The following UGT1A8 variants were observed in gnomAD, a reference collection of about 807,000 sequenced individuals.
UGT1A8 encodes the protein UDP-glucuronosyltransferase 1A8.
In UGT1A8, 39 loss-of-function variants were observed where a neutral mutation model predicts 45.3. The observed-to-expected ratio is 0.86, with a 90% CI of 0.67 to 1.12. The LOEUF (loss-of-function observed/expected upper bound fraction) is 1.12. Ranked by LOEUF, UGT1A8 falls within the 50% of genes most tolerant of loss-of-function variation. The pLI is 0.00. For synonymous variants in UGT1A8, 275 were observed against 249.2 expected (o/e 1.10, Z -0.97); for missense variants, 719 against 664.9 (o/e 1.08, Z -0.90).
intron 1 of UGT1A8, among the ~76,000 whole-genome samples, chr2:233,632,968 T>G (rs908131527): frequency 4.6e-5 from 7 of 152,246 alleles, no homozygotes; most frequent in Admixed American, 2.6e-4. Flanking sequence ...GGCTGTCGGT[T>G]TGTCATAAAT....
At chr2:233,662,817 GT>G (rs34052709) in intron 1 of UGT1A8, among the ~76,000 whole-genome samples, 51,138 of 139,240 alleles carry the variant, frequency 0.37, 9,489 homozygotes, top group African/African-American at 0.52. Flanking sequence ...TTTGCTGAGA[GT>G]TTTTTTTTTT....
intron 1 of UGT1A8, among the ~76,000 whole-genome samples, chr2:233,635,937 A>T (rs2073280914): frequency 6.6e-6 from 1 of 150,716 alleles, no homozygotes; most frequent in South Asian, 2.1e-4. Context: ...AGGGTTGTCA[A>T]TCTCATTTTG....
At chr2:233,717,531 G>A (rs948742464) in intron 1 of UGT1A8, among the ~76,000 whole-genome samples, 1 of 152,242 alleles carries the variant, frequency 6.6e-6, no homozygotes, top group Non-Finnish European at 1.5e-5. Context: ...CTCCATAAGG[G>A]AAGCCTCAGC....
intron 1 of UGT1A8, among the ~76,000 whole-genome samples, chr2:233,695,215 T>C (rs2075273192): frequency 6.7e-6 from 1 of 148,732 alleles, no homozygotes; most frequent in Non-Finnish European, 1.5e-5. Flanking sequence ...AACCTCCACC[T>C]CCTGGGTTCA....
At chr2:233,639,403 A>C (rs1384396252) in intron 1 of UGT1A8, among the ~76,000 whole-genome samples, 1 of 152,202 alleles carries the variant, frequency 6.6e-6, no homozygotes, top group Non-Finnish European at 1.5e-5. Context: ...GCCCAACCAC[A>C]AAAGTAAAAG....
At chr2:233,680,480 TGGAA>T (rs977170020) in intron 1 of UGT1A8, among the ~76,000 whole-genome samples, 4 of 152,182 alleles carry the variant, frequency 2.6e-5, no homozygotes, top group Non-Finnish European at 4.4e-5. Context: ...TAGGGTGTCC[TGGAA>T]GGAACCATCT....
At chr2:233,735,161 A>C (rs139257330) in intron 1 of UGT1A8, among the ~76,000 whole-genome samples, 2,795 of 152,264 alleles carry the variant, frequency 0.018, 41 homozygotes, top group Non-Finnish European at 0.028. Context: ...GTCTCTGTGT[A>C]GGTCTCTAAG....
rs1700515616 is a variant in UGT1A8, at chr2:233,772,390, C to A, written c.1424C>A (p.Ala475Asp). 4 of 1,614,144 alleles carry A rather than the reference C, an allele frequency of 2.5e-6. No individual in the cohort carries two copies. The highest frequency in any genetic ancestry group is 3.4e-6 in the Non-Finnish European group (4 of 1,180,058). Residue 475 changes from alanine (A) to aspartate (D), a missense_variant, in exon 5 of 5, where the codon GCC (alanine) becomes GAC (aspartate). Transcript: ENST00000373450. ...GGCGCGCCACACCTGCGCCCCGCAGCCCACGACCTCACCTGGTACCAGTAC... is the reference window on the plus strand; with the variant it reads ...GGCGCGCCACACCTGCGCCCCGCAGACCACGACCTCACCTGGTACCAGTAC... ...HKGAPHLRPA[A>D]HDLTWYQYHS...
At chr2:233,761,193 A>C (rs764178788) in intron 1 of UGT1A8, 1 of 1,614,148 alleles carries the variant, frequency 6.2e-7, no homozygotes, top group Non-Finnish European at 8.5e-7. Flanking sequence ...ATATTCTTTC[A>C]GATGTATTAC....
At chr2:233,672,166 T>C in intron 1 of UGT1A8, 1 of 1,614,190 alleles carries the variant, frequency 6.2e-7, no homozygotes, top group Non-Finnish European at 8.5e-7. Context: ...GAAGACTTAT[T>C]CAACTTCATA....
chr2:233,676,966 A>G (rs1192992636), intron 1 of UGT1A8, among the ~76,000 whole-genome samples: 1 of 152,112 alleles, frequency 6.6e-6, no homozygotes, highest in African/African-American at 2.4e-5. Flanking sequence ...TAGCTGTGTA[A>G]TAATCTATAA....
intron 1 of UGT1A8, chr2:233,713,890 T>C: frequency 1.2e-6 from 2 of 1,613,384 alleles, no homozygotes; most frequent in Non-Finnish European, 1.7e-6. Context: ...CAATCAATGT[T>C]CCAGGCAAAA....
intron 1 of UGT1A8, chr2:233,713,512 G>A (rs1272104419): frequency 4.3e-6 from 7 of 1,613,772 alleles, no homozygotes; most frequent in Non-Finnish European, 5.9e-6. Flanking sequence ...TTTTTCTTGA[G>A]GAACATTCCA....
intron 1 of UGT1A8, among the ~76,000 whole-genome samples, chr2:233,700,403 C>T (rs1036096204): frequency 2.0e-5 from 3 of 152,080 alleles, no homozygotes; most frequent in Admixed American, 6.5e-5. Flanking sequence ...ATTTTGGCAG[C>T]AGTGTTTCTG....
chr2:233,744,157 C>T (rs1692711492), intron 1 of UGT1A8: 1 of 298,558 alleles, frequency 3.3e-6, no homozygotes, highest in Non-Finnish European at 6.5e-6. Flanking sequence ...AGACCAGGCC[C>T]CGCCCACTCC....
At chr2:233,748,984 C>T (rs1315447738) in intron 1 of UGT1A8, among the ~76,000 whole-genome samples, 18 of 151,726 alleles carry the variant, frequency 1.2e-4, no homozygotes, top group Non-Finnish European at 2.1e-4. Context: ...TACTTCTTTA[C>T]CAACAATTTC....
At chr2:233,665,031 T>G (rs1445189037) in intron 1 of UGT1A8, among the ~76,000 whole-genome samples, 1 of 152,252 alleles carries the variant, frequency 6.6e-6, no homozygotes, top group Non-Finnish European at 1.5e-5. Flanking sequence ...TAGTTTTGTG[T>G]GCATCATTTT....
intron 1 of UGT1A8, among the ~76,000 whole-genome samples, chr2:233,705,485 G>A (rs1165724639): frequency 6.6e-6 from 1 of 152,156 alleles, no homozygotes; most frequent in Non-Finnish European, 1.5e-5. Context: ...CAAATTTAAT[G>A]ATAATAAATA....
At chr2:233,708,006 A>G (rs1486589332) in intron 1 of UGT1A8, among the ~76,000 whole-genome samples, 1 of 152,158 alleles carries the variant, frequency 6.6e-6, no homozygotes, top group Non-Finnish European at 1.5e-5. Context: ...TTATGTATGC[A>G]TTCTGGATAC....
Sources: gnomAD v4.1 joint callset for allele counts (sites outside exome capture counted in the v4.1 genomes callset) on GRCh38, gnomAD v4.1.1 for gene constraint, MANE v1.5 for transcripts, NCBI Gene and HGNC (gene_info 2026-07-23, HGNC 2026-07-21) for gene names.